The following FABP6 variants were observed in gnomAD, a reference collection of about 807,000 sequenced individuals.
FABP6 encodes fatty acid binding protein 6, also known as gastrotropin.
A neutral mutation model predicts 14.9 loss-of-function variants in FABP6; 13 were observed. That is an observed-to-expected ratio of 0.87 (90% CI 0.57 to 1.39). The LOEUF (loss-of-function observed/expected upper bound fraction) is 1.39. Ranked by LOEUF, FABP6 falls within the 40% of genes most tolerant of loss-of-function variation. The pLI, the probability that FABP6 is intolerant of heterozygous loss-of-function variation, is 0.00. For missense variants in FABP6, 161 were observed against 167.2 expected, an observed-to-expected ratio of 0.96 and a Z score of 0.20; for synonymous variants, 75 against 63.6, an observed-to-expected ratio of 1.18 and a Z score of -0.85.
chr5:160,219,457 C>T (rs1162050848), intron 3 of FABP6, among the ~76,000 whole-genome samples: 1 of 152,166 alleles, frequency 6.6e-6, no homozygotes, highest in Non-Finnish European at 1.5e-5. Context: ...TCATTCACCC[C>T]TCCGGGGAGG....
In FABP6 at chr5:160,232,292, TC is replaced by T. The variant is rs761413253; in HGVS notation, c.243+24del. ...GTTCAAGGTGAGAGGCCACTGGCTGTCCCCCTCCTTCCCCAGGCCTCCATCT... is the reference window on the plus strand; with the variant it reads ...GTTCAAGGTGAGAGGCCACTGGCTGTCCCCTCCTTCCCCAGGCCTCCATCT... On this transcript the variant is annotated intron_variant, in intron 2 of 3. Coordinates refer to ENST00000402432, the MANE Select transcript of FABP6 (RefSeq NM_001445.3). 1.0e-4 allele frequency: 160 copies of T among 1,566,076 alleles called. No homozygotes were observed. In the African/African-American group the frequency reaches 2.0e-3, roughly 19 times the overall value.
chr5:160,212,891 A>G (rs555433063), intron 2 of FABP6, among the ~76,000 whole-genome samples: 9 of 152,338 alleles, frequency 5.9e-5, no homozygotes, highest in African/African-American at 2.2e-4. Context: ...TGCTAGGATT[A>G]CAGGTGTGAG....
intron 3 of FABP6, among the ~76,000 whole-genome samples, chr5:160,236,313 G>A (rs1760514273): frequency 6.6e-6 from 1 of 152,092 alleles, no homozygotes; most frequent in Non-Finnish European, 1.5e-5. Context: ...ACTGCACCAG[G>A]CCTTGTGTCT....
At chr5:160,198,110 A>C (rs1323965442) in intron 1 of FABP6, 1 of 152,240 alleles carries the variant, frequency 6.6e-6, no homozygotes, top group Non-Finnish European at 1.5e-5. Context: ...AGAAGGCTAA[A>C]AATACCTCTG....
At chr5:160,209,604 T>A (rs886206040) in intron 2 of FABP6, among the ~76,000 whole-genome samples, 1 of 152,216 alleles carries the variant, frequency 6.6e-6, no homozygotes, top group Non-Finnish European at 1.5e-5. Context: ...CGTCTTGGTA[T>A]TCTACAGAGA....
intron 1 of FABP6, among the ~76,000 whole-genome samples, chr5:160,191,254 T>C (rs1759387400): frequency 6.6e-6 from 1 of 151,776 alleles, no homozygotes; most frequent in South Asian, 2.1e-4. Context: ...TCACCTGAGG[T>C]CAGGAGTTCG....
At chr5:160,190,516 G>A (rs891986499) in intron 1 of FABP6, among the ~76,000 whole-genome samples, 1 of 152,170 alleles carries the variant, frequency 6.6e-6, no homozygotes, top group Non-Finnish European at 1.5e-5. Flanking sequence ...ACAGGTGTGA[G>A]CCACCACGCC....
chr5:160,193,885 C>T (rs1297100964), intron 1 of FABP6, among the ~76,000 whole-genome samples: 1 of 152,224 alleles, frequency 6.6e-6, no homozygotes, highest in Non-Finnish European at 1.5e-5. Context: ...CAGTCACGCG[C>T]CATGCGCTCG....
upstream of FABP6, among the ~76,000 whole-genome samples, chr5:160,224,943 A>C (rs1185971359): frequency 6.6e-6 from 1 of 151,406 alleles, no homozygotes; most frequent in Non-Finnish European, 1.5e-5. Flanking sequence ...ATGCCTAGCT[A>C]ATTTTCTGTG....
intron 3 of FABP6, among the ~76,000 whole-genome samples, chr5:160,215,853 C>G (rs142712087): frequency 1.3e-3 from 202 of 152,224 alleles, no homozygotes; most frequent in African/African-American, 4.8e-3. Flanking sequence ...AGGAAAGAAC[C>G]AGTGAGTATC....
At chr5:160,196,045 G>C (rs1409550758) in intron 1 of FABP6, 1 of 152,618 alleles carries the variant, frequency 6.6e-6, no homozygotes, top group African/African-American at 2.4e-5. Flanking sequence ...ATTCCAGGCT[G>C]TAAGATGCCC....
At chr5:160,219,377 T>C (rs898142583) in intron 3 of FABP6, among the ~76,000 whole-genome samples, 8 of 152,194 alleles carry the variant, frequency 5.3e-5, no homozygotes, top group Non-Finnish European at 1.0e-4. Flanking sequence ...TTTATCTCTA[T>C]TGGGGTATAG....
intron 1 of FABP6, among the ~76,000 whole-genome samples, chr5:160,193,256 G>A (rs545090627): frequency 4.6e-5 from 7 of 152,062 alleles, no homozygotes; most frequent in Admixed American, 2.6e-4. Context: ...GTTGCGGCAC[G>A]TCTGGAGTTG....
At chr5:160,234,444 T>C (rs1275497536) in intron 2 of FABP6, among the ~76,000 whole-genome samples, 10 of 148,898 alleles carry the variant, frequency 6.7e-5, no homozygotes, top group African/African-American at 2.3e-4. Flanking sequence ...TTTTTTTTTT[T>C]GAGACAGAGT....
At chr5:160,232,735 A>C (rs1380385402) in intron 2 of FABP6, among the ~76,000 whole-genome samples, 2 of 151,780 alleles carry the variant, frequency 1.3e-5, no homozygotes, top group Non-Finnish European at 2.9e-5. Flanking sequence ...CATCTCTACC[A>C]AAAATACAAA....
At chr5:160,187,839 G>A (rs1435533364) in intron 1 of FABP6, among the ~76,000 whole-genome samples, 1 of 151,918 alleles carries the variant, frequency 6.6e-6, no homozygotes, top group Non-Finnish European at 1.5e-5. Flanking sequence ...CACAACCTCC[G>A]CCTCCCGAGT....
At chr5:160,219,948 C>T (rs1002451256) in intron 3 of FABP6, among the ~76,000 whole-genome samples, 1 of 152,098 alleles carries the variant, frequency 6.6e-6, no homozygotes, top group Non-Finnish European at 1.5e-5. Flanking sequence ...TCCCCAGTAG[C>T]GTATGAACAC....
chr5:160,203,057 G>A (rs1176979047), intron 2 of FABP6, among the ~76,000 whole-genome samples: 2 of 151,802 alleles, frequency 1.3e-5, no homozygotes, highest in East Asian at 2.0e-4. Context: ...ATGCACCACC[G>A]TATCCGGCTA....
intron 1 of FABP6, among the ~76,000 whole-genome samples, chr5:160,191,844 G>A (rs1759401121): frequency 1.3e-5 from 2 of 151,386 alleles, no homozygotes; most frequent in South Asian, 4.2e-4. Context: ...ATGGTGGCAG[G>A]CGCCTTGTAG....
Sources: allele counts gnomAD v4.1 joint callset (sites outside exome capture counted in the v4.1 genomes callset), GRCh38; gene constraint gnomAD v4.1.1; transcripts MANE v1.5; gene names NCBI Gene and HGNC (gene_info 2026-07-23, HGNC 2026-07-21).